RASEF: variants seen among roughly 807,000 people sequenced by gnomAD.
RASEF encodes RAS and EF-hand domain containing.
In RASEF, 68 loss-of-function variants were observed where a neutral mutation model predicts 90.1. That is an observed-to-expected ratio of 0.75 (90% CI 0.62 to 0.92). RASEF has a LOEUF of 0.92. Among genes scored for constraint, RASEF ranks in the 40% least tolerant of loss-of-function variants. RASEF has a pLI of 0.00. For synonymous variants in RASEF, 331 were observed against 345.2 expected (o/e 0.96, Z 0.46); for missense variants, 949 against 937.2 (o/e 1.01, Z -0.16).
Position 83,053,608 on chromosome 9 carries a change from G to C in RASEF, c.431+8829C>G, listed in dbSNP as rs1047870028. On this transcript the variant is annotated intron_variant, in intron 1 of 16. Transcript: ENST00000376447. ...CATTATGATGTTAGCTGGTGATTTT[G>C]CTCATTAGTTGATGCAGTTTCTTCC... is the stretch of plus-strand genomic sequence containing the variant. Among the ~76,000 whole-genome samples, 6 of 125,384 alleles carry C rather than the reference G, an allele frequency of 4.8e-5. No individual in the cohort carries two copies. In the East Asian group the frequency reaches 1.2e-3, roughly 26 times the overall value. 82.3% of individuals were successfully genotyped at this position (125,384 alleles called of 152,430 possible).
chr9:83,213,523 C>T, the RASEF span, among the ~76,000 whole-genome samples: 1 of 152,124 alleles, frequency 6.6e-6, no homozygotes, highest in East Asian at 1.9e-4. Context: ...TATACAATAT[C>T]TGTCTCATTT....
At chr9:83,188,247 T>A in the RASEF span, among the ~76,000 whole-genome samples, 1 of 152,196 alleles carries the variant, frequency 6.6e-6, no homozygotes, top group African/African-American at 2.4e-5. Flanking sequence ...ATAGCAAGAT[T>A]GTATTAACTA....
the RASEF span, among the ~76,000 whole-genome samples, chr9:83,147,826 A>C: frequency 3.3e-5 from 5 of 152,044 alleles, no homozygotes; most frequent in African/African-American, 4.8e-5. Context: ...GGGGAGCTGG[A>C]AAGGGGATGG....
chr9:83,115,621 T>A, the RASEF span, among the ~76,000 whole-genome samples: 1 of 152,132 alleles, frequency 6.6e-6, no homozygotes, highest in African/African-American at 2.4e-5. Context: ...AGATTTTAAT[T>A]TGCCCCCTCT....
At chr9:83,205,815 A>C in the RASEF span, among the ~76,000 whole-genome samples, 2 of 152,254 alleles carry the variant, frequency 1.3e-5, no homozygotes, top group Non-Finnish European at 2.9e-5. Flanking sequence ...ATTATGTGAC[A>C]AAACAAAAGA....
Position 83,025,956 on chromosome 9 carries a change from T to C in RASEF, c.432-35A>G, listed in dbSNP as rs772962893. 1.1e-5 allele frequency: 16 copies of C among 1,502,268 alleles called. No individual in the cohort carries two copies. The East Asian group carries it at 2.4e-4, about 22-fold the overall frequency. The allele number at this position is 1,502,268 out of a possible 1,614,324, so 93.1% of individuals were successfully genotyped here. ...AAATAAATAAAAATTAAACCAATTA[T>C]AAAATTTTAAAGGCAACTCTGCAGG... On this transcript the variant is annotated intron_variant, in intron 1 of 16. Transcript: ENST00000376447.
intron 15 of RASEF, 36 bp downstream of exon 15, chr9:82,992,870 T>C (rs367560459): frequency 3.7e-6 from 6 of 1,607,632 alleles, no homozygotes; most frequent in Admixed American, 1.7e-5. Context: ...TTAAACCCCA[T>C]GTTCTCTTCT....
chr9:83,116,327 A>AT, the RASEF span, among the ~76,000 whole-genome samples: 580 of 152,032 alleles, frequency 3.8e-3, 4 homozygotes, highest in Middle Eastern at 6.8e-3. Flanking sequence ...CTCCTTGGTG[A>AT]TTTTTTTTCT....
chr9:83,129,236 C>T, the RASEF span, among the ~76,000 whole-genome samples: 1 of 151,942 alleles, frequency 6.6e-6, no homozygotes, highest in East Asian at 1.9e-4. Flanking sequence ...GAAACCCTGT[C>T]TCTACTAAAA....
rs564817823 is a variant in RASEF, at chr9:83,009,627, T to G, written c.959+14A>C. 2.0e-6 allele frequency: 3 copies of G among 1,478,176 alleles called. No individual in the cohort carries two copies. The South Asian group carries it at 3.5e-5, about 17-fold the overall frequency. 91.6% of individuals were successfully genotyped at this position (1,478,176 alleles called of 1,614,324 possible). On this transcript the variant is annotated intron_variant, in intron 6 of 16. Coordinates refer to ENST00000376447, the MANE Select transcript of RASEF (RefSeq NM_152573.4). ...ATTCTACTCAAACTAACAAATAAAA[T>G]GCAAAGTTCATACCTTTCAGTATTC...
intron 15 of RASEF, among the ~76,000 whole-genome samples, chr9:82,990,862 C>T (rs1910264): frequency 0.072 from 10,876 of 151,994 alleles, 460 homozygotes; most frequent in African/African-American, 0.093. Context: ...GCTAACACAC[C>T]CTCCTTCCCG....
the RASEF span, among the ~76,000 whole-genome samples, chr9:83,198,505 A>G: frequency 6.6e-6 from 1 of 152,126 alleles, no homozygotes; most frequent in Non-Finnish European, 1.5e-5. Flanking sequence ...GACCCCAGGG[A>G]GCGGCCCCAT....
the RASEF span, among the ~76,000 whole-genome samples, chr9:83,084,443 CAT>C: frequency 6.6e-6 from 1 of 152,162 alleles, no homozygotes; most frequent in Non-Finnish European, 1.5e-5. Context: ...TTTGCCAACT[CAT>C]GTCTTACATG....
chr9:83,175,240 A>T, the RASEF span, among the ~76,000 whole-genome samples: 1 of 152,172 alleles, frequency 6.6e-6, no homozygotes, highest in African/African-American at 2.4e-5. Flanking sequence ...AATAATTATG[A>T]ACTTTTCATA....
At chr9:83,094,037 T>C in the RASEF span, among the ~76,000 whole-genome samples, 1 of 152,248 alleles carries the variant, frequency 6.6e-6, no homozygotes, top group Non-Finnish European at 1.5e-5. Flanking sequence ...TCATCTATTA[T>C]AAATCTCTAT....
At chr9:83,183,506 C>G in the RASEF span, among the ~76,000 whole-genome samples, 1 of 152,198 alleles carries the variant, frequency 6.6e-6, no homozygotes, top group East Asian at 1.9e-4. Context: ...TATGAATATA[C>G]TATAAATGAA....
chr9:83,063,649 A>G (rs867086712), upstream of RASEF, among the ~76,000 whole-genome samples: 1 of 152,092 alleles, frequency 6.6e-6, no homozygotes, highest in African/African-American at 2.4e-5. Flanking sequence ...TTTTTTCTCA[A>G]TCCTTGTCTC....
At chr9:82,998,569 A>C (rs1028821202) in intron 12 of RASEF, 123 bp from the exon 13 acceptor site, 1 of 673,094 alleles carries the variant, frequency 1.5e-6, no homozygotes, top group Non-Finnish European at 2.7e-6. Context: ...GGGAGGAATG[A>C]ACATGACCTT....
the RASEF span, among the ~76,000 whole-genome samples, chr9:83,107,111 T>C: frequency 1.3e-5 from 2 of 152,236 alleles, no homozygotes; most frequent in African/African-American, 4.8e-5. Flanking sequence ...GACATGTCCA[T>C]AGAGTGCCAG....
Sources: allele counts gnomAD v4.1 joint callset (sites outside exome capture counted in the v4.1 genomes callset), GRCh38; gene constraint gnomAD v4.1.1; transcripts MANE v1.5; gene names NCBI Gene and HGNC (gene_info 2026-07-23, HGNC 2026-07-21).